ARHGAP15: variants seen among roughly 807,000 people sequenced by gnomAD.
The protein encoded by ARHGAP15 is Rho GTPase activating protein 15.
Under a neutral mutation model 63.7 loss-of-function variants are expected in ARHGAP15, and 51 were observed. The ratio of observed to expected loss-of-function variants is 0.80; its 90% CI spans 0.64 to 1.01. The LOEUF is 1.01. Among genes scored for constraint, ARHGAP15 ranks in the 50% least tolerant of loss-of-function variants. ARHGAP15 has a pLI of 0.00. For synonymous variants in ARHGAP15, 191 were observed against 193.8 expected (o/e 0.99, Z 0.12); for missense variants, 560 against 564.6 (o/e 0.99, Z 0.08).
In ARHGAP15 at chr2:143,708,022, G is replaced by A. The variant is rs529571186; in HGVS notation, c.1244+4498G>A. 1.5e-4 allele frequency among the ~76,000 whole-genome samples: 23 copies of A among 152,222 alleles called. No individual in the cohort carries two copies. The South Asian group carries it at 4.6e-3, about 30-fold the overall frequency. On this transcript the variant is annotated intron_variant, in intron 13 of 13. Transcript: ENST00000295095. ...TTACCCCCTAATAATGGTATAGGAG[G>A]AGACATTGAAGTTAAGGGAACAAAG...
At chr2:143,370,538 A>G (rs990203702) in intron 6 of ARHGAP15, among the ~76,000 whole-genome samples, 3 of 152,190 alleles carry the variant, frequency 2.0e-5, no homozygotes, top group African/African-American at 7.2e-5. Flanking sequence ...CATACTGATT[A>G]TATTGTATAT....
intron 10 of ARHGAP15, among the ~76,000 whole-genome samples, chr2:143,543,891 G>A (rs1224116645): frequency 6.6e-6 from 1 of 152,132 alleles, no homozygotes; most frequent in Non-Finnish European, 1.5e-5. Flanking sequence ...CAGCCCTTAT[G>A]TAGTACAGAA....
chr2:143,682,851 A>G (rs1243442508), intron 12 of ARHGAP15: 1 of 152,138 alleles, frequency 6.6e-6, no homozygotes, highest in East Asian at 1.9e-4. Context: ...CCTTTTTCGC[A>G]GGAGTTCTCT....
intron 12 of ARHGAP15, among the ~76,000 whole-genome samples, chr2:143,671,963 G>A (rs918730719): frequency 2.0e-5 from 3 of 152,056 alleles, no homozygotes; most frequent in African/African-American, 7.3e-5. Context: ...ATCTATTCAG[G>A]TTCCATAATA....
chr2:143,644,932 A>G (rs1411644869), intron 12 of ARHGAP15, among the ~76,000 whole-genome samples: 2 of 152,084 alleles, frequency 1.3e-5, no homozygotes, highest in Admixed American at 6.6e-5. Context: ...CCAAATATAG[A>G]ACAGAAAGTA....
intron 11 of ARHGAP15, among the ~76,000 whole-genome samples, chr2:143,569,528 G>A (rs1215620859): frequency 6.6e-6 from 1 of 152,114 alleles, no homozygotes; most frequent in Non-Finnish European, 1.5e-5. Flanking sequence ...GCAAAGCAGG[G>A]AAACTGGTTC....
At chr2:143,222,572 G>A (rs1242878553) in intron 4 of ARHGAP15, among the ~76,000 whole-genome samples, 1 of 152,200 alleles carries the variant, frequency 6.6e-6, no homozygotes, top group African/African-American at 2.4e-5. Context: ...GCATTTTCCA[G>A]ATAAGCTGTT....
chr2:143,700,655 G>A (rs1174550290), intron 12 of ARHGAP15, among the ~76,000 whole-genome samples: 1 of 151,924 alleles, frequency 6.6e-6, no homozygotes, highest in Non-Finnish European at 1.5e-5. Flanking sequence ...TGTACAGAAT[G>A]TATCCACCTC....
At chr2:143,130,703 C>A (rs551194592) in intron 1 of ARHGAP15, among the ~76,000 whole-genome samples, 1 of 152,176 alleles carries the variant, frequency 6.6e-6, no homozygotes, top group South Asian at 2.1e-4. Flanking sequence ...TTAAAATGAT[C>A]ACAGAAAAAT....
intron 6 of ARHGAP15, among the ~76,000 whole-genome samples, chr2:143,397,606 G>T (rs747542927): frequency 6.6e-6 from 1 of 151,742 alleles, no homozygotes; most frequent in Non-Finnish European, 1.5e-5. Context: ...ATTTTTACTT[G>T]CAGTCTTCTC....
chr2:143,180,399 TC>T (rs1228910500), intron 2 of ARHGAP15, among the ~76,000 whole-genome samples: 36 of 152,238 alleles, frequency 2.4e-4, no homozygotes, highest in African/African-American at 8.4e-4. Context: ...AGGCTCCACT[TC>T]TTATTCTAGT....
chr2:143,355,130 T>C (rs1263707995), intron 6 of ARHGAP15, among the ~76,000 whole-genome samples: 1 of 152,188 alleles, frequency 6.6e-6, no homozygotes, highest in Non-Finnish European at 1.5e-5. Context: ...GAAAATAAAC[T>C]AGCAATAAAT....
intron 12 of ARHGAP15, among the ~76,000 whole-genome samples, chr2:143,681,391 G>A (rs1683094473): frequency 6.6e-6 from 1 of 152,252 alleles, no homozygotes; most frequent in Non-Finnish European, 1.5e-5. Flanking sequence ...CAGATTTGTG[G>A]GTAAAATGAG....
chr2:143,602,771 GTATT>G (rs1200584431), intron 11 of ARHGAP15, among the ~76,000 whole-genome samples: 1 of 152,096 alleles, frequency 6.6e-6, no homozygotes, highest in African/African-American at 2.4e-5. Context: ...AGATATTTAA[GTATT>G]AATACATAAA....
intron 6 of ARHGAP15, among the ~76,000 whole-genome samples, chr2:143,405,395 C>T (rs1178777665): frequency 8.6e-5 from 13 of 151,280 alleles, no homozygotes; most frequent in Non-Finnish European, 1.3e-4. Context: ...ATTATTCTTA[C>T]GGTTATCCTT....
intron 13 of ARHGAP15, among the ~76,000 whole-genome samples, chr2:143,765,059 G>A (rs1402233171): frequency 2.0e-5 from 3 of 151,136 alleles, no homozygotes; most frequent in South Asian, 2.1e-4. Context: ...TACCTAATAA[G>A]TACTCAATTG....
At chr2:143,450,624 T>C (rs899116884) in intron 8 of ARHGAP15, among the ~76,000 whole-genome samples, 2 of 152,002 alleles carry the variant, frequency 1.3e-5, no homozygotes, top group Non-Finnish European at 2.9e-5. Flanking sequence ...GAGACCTTGT[T>C]GCTGAAATAT....
At chr2:143,590,489 C>A (rs1054940947) in intron 11 of ARHGAP15, among the ~76,000 whole-genome samples, 1 of 152,120 alleles carries the variant, frequency 6.6e-6, no homozygotes, top group African/African-American at 2.4e-5. Flanking sequence ...TTTGGGACAA[C>A]AGCCACTTTA....
intron 11 of ARHGAP15, among the ~76,000 whole-genome samples, chr2:143,612,689 T>G (rs1448923979): frequency 6.6e-6 from 1 of 152,206 alleles, no homozygotes; most frequent in African/African-American, 2.4e-5. Flanking sequence ...GGCATCCCAG[T>G]GAGGCCCGAT....
Sources: gnomAD v4.1 joint callset for allele counts (sites outside exome capture counted in the v4.1 genomes callset) on GRCh38, gnomAD v4.1.1 for gene constraint, MANE v1.5 for transcripts, NCBI Gene and HGNC (gene_info 2026-07-23, HGNC 2026-07-21) for gene names.